The following MICU1 variants were observed in gnomAD, a reference collection of about 807,000 sequenced individuals.
The protein encoded by MICU1 is calcium uptake protein 1, mitochondrial.
Under a neutral mutation model 56.8 loss-of-function variants are expected in MICU1, and 45 were observed. The observed-to-expected ratio is 0.79, with a 90% CI of 0.62 to 1.02. The LOEUF (loss-of-function observed/expected upper bound fraction) is 1.02, where lower values mean the gene tolerates loss of function less well. Among genes scored for constraint, MICU1 ranks in the 50% least tolerant of loss-of-function variants. MICU1 has a pLI of 0.00. For missense variants in MICU1, 504 were observed against 587.1 expected (o/e 0.86, Z 1.46); for synonymous variants, 186 against 195.1 (o/e 0.95, Z 0.39).
At position 72,510,115 on chromosome 10, in the gene MICU1, A is replaced by G. The variant is rs79748153; in HGVS notation, c.538-1846T>C. The stretch of plus-strand genomic sequence containing the variant: ...CATAGTGGAAGCCACAGGTTGAGAA[A>G]CAGACAAAAGTCTAAGGATAGAGTG... On this transcript the variant is annotated intron_variant, in intron 5 of 11. Coordinates refer to ENST00000361114, the MANE Select transcript of MICU1 (RefSeq NM_001195518.2). 4.9e-3 allele frequency among the ~76,000 whole-genome samples: 749 copies of G among 152,312 alleles called. 8 individuals are homozygous for G. Among genetic ancestry groups the G allele is most frequent in the Middle Eastern group, 6.8e-3 (2 of 294 alleles).
intron 6 of MICU1, among the ~76,000 whole-genome samples, chr10:72,481,834 C>A (rs1231957809): frequency 3.3e-5 from 5 of 152,178 alleles, no homozygotes; most frequent in Non-Finnish European, 7.3e-5. Context: ...AGTGTTGAAA[C>A]TGATTAGAAC....
intron 4 of MICU1, among the ~76,000 whole-genome samples, chr10:72,546,738 A>G (rs1006586049): frequency 8.5e-5 from 13 of 152,070 alleles, no homozygotes; most frequent in African/African-American, 3.1e-4. Context: ...TATTATTACT[A>G]TTATTGAGAC....
At chr10:72,503,652 TAGGGAAA>T (rs1867148996) in intron 6 of MICU1, among the ~76,000 whole-genome samples, 1 of 152,002 alleles carries the variant, frequency 6.6e-6, no homozygotes, top group African/African-American at 2.4e-5. Flanking sequence ...GGCATCCAAA[TAGGGAAA>T]TAAGAAGCCA....
At chr10:72,508,840 A>G (rs995123331) in intron 5 of MICU1, among the ~76,000 whole-genome samples, 2 of 152,214 alleles carry the variant, frequency 1.3e-5, no homozygotes, top group African/African-American at 4.8e-5. Flanking sequence ...CTGAAATATA[A>G]TGCCAAATCA....
At chr10:72,493,931 G>C (rs1866751402) in intron 6 of MICU1, among the ~76,000 whole-genome samples, 1 of 152,168 alleles carries the variant, frequency 6.6e-6, no homozygotes, top group South Asian at 2.1e-4. Flanking sequence ...ATACTATATA[G>C]TCAATTAAAT....
At chr10:72,505,938 C>A (rs539408915) in intron 6 of MICU1, among the ~76,000 whole-genome samples, 1 of 148,732 alleles carries the variant, frequency 6.7e-6, no homozygotes, top group Non-Finnish European at 1.5e-5. Context: ...CAAACTTGTA[C>A]GTGTCCTCTC....
At chr10:72,393,665 G>A (rs556709935) in intron 10 of MICU1, among the ~76,000 whole-genome samples, 1 of 152,320 alleles carries the variant, frequency 6.6e-6, no homozygotes, top group African/African-American at 2.4e-5. Flanking sequence ...AGCGAGAAAA[G>A]GAGGCAGATG....
chr10:72,380,134 T>C lies in MICU1; in HGVS notation c.1181-4262A>G, dbSNP rs1000306340. On this transcript the variant is annotated intron_variant, in intron 10 of 11. Transcript: ENST00000361114. ...AAGTTTTCCTCCCAGATCTCAACTT[T>C]TTTATGCAGACCAGTTGTTGGTACT... Among the ~76,000 whole-genome samples the C allele has an allele frequency of 2.6e-5, 4 of 152,178 alleles. No individual in the cohort carries two copies. The South Asian group carries it at 8.3e-4, about 31-fold the overall frequency.
At chr10:72,408,956 CG>C (rs1489027634) in intron 9 of MICU1, among the ~76,000 whole-genome samples, 2 of 151,750 alleles carry the variant, frequency 1.3e-5, no homozygotes, top group African/African-American at 4.8e-5. Context: ...TTTTCAAAAA[CG>C]GTTTAAAGAT....
chr10:72,573,307 CAAAAAAAAAA>C (rs58866778), intron 1 of MICU1, among the ~76,000 whole-genome samples: 4 of 21,040 alleles, frequency 1.9e-4, no homozygotes, highest in East Asian at 1.3e-3. Context: ...CCCATCACTA[CAAAAAAAAAA>C]AAAAAAAAAA....
intron 1 of MICU1, among the ~76,000 whole-genome samples, chr10:72,617,556 C>G (rs1418166304): frequency 6.6e-6 from 1 of 152,046 alleles, no homozygotes; most frequent in Admixed American, 6.6e-5. Context: ...ATGTAGAAAC[C>G]CTGTCTCTAC....
At chr10:72,430,968 T>C (rs1180341322) in intron 8 of MICU1, among the ~76,000 whole-genome samples, 1 of 152,196 alleles carries the variant, frequency 6.6e-6, no homozygotes, top group Non-Finnish European at 1.5e-5. Flanking sequence ...ATATATTCTT[T>C]TGCAATTTGT....
chr10:72,409,813 G>A lies in MICU1; in HGVS notation c.1072-1776C>T, dbSNP rs958992791. ...GAATATGATGACTATATAGAAAGGTGCATAAAATATAAATGTACAACTTAT... is the reference window on the plus strand; with the variant it reads ...GAATATGATGACTATATAGAAAGGTACATAAAATATAAATGTACAACTTAT... On this transcript the variant is annotated intron_variant, in intron 9 of 11. Coordinates refer to ENST00000361114, the MANE Select transcript of MICU1 (RefSeq NM_001195518.2). Among the ~76,000 whole-genome samples, 3 of 152,254 alleles carry A rather than the reference G, an allele frequency of 2.0e-5. No individual in the cohort carries two copies. In the East Asian group the frequency reaches 5.8e-4, roughly 29 times the overall value.
chr10:72,427,733 AATATATATATATAT>A (rs58696519), intron 8 of MICU1, among the ~76,000 whole-genome samples: 97 of 136,346 alleles, frequency 7.1e-4, no homozygotes, highest in Admixed American at 1.4e-3. Context: ...CCATCTCTAA[AATATATATATATAT>A]ATATATATAT....
At chr10:72,375,970 C>T (rs947865377) in intron 10 of MICU1, 98 bp from the exon 11 acceptor site, 2 of 1,101,648 alleles carry the variant, frequency 1.8e-6, no homozygotes, top group African/African-American at 3.2e-5. Flanking sequence ...TACAAGTTTT[C>T]AACTGCATTT....
chr10:72,601,136 T>C (rs1330096313), intron 1 of MICU1, among the ~76,000 whole-genome samples: 1 of 152,166 alleles, frequency 6.6e-6, no homozygotes, highest in South Asian at 2.1e-4. Context: ...TAAGTGTACA[T>C]ACAGGCTGAG....
At chr10:72,599,899 A>C (rs998137784) in intron 1 of MICU1, among the ~76,000 whole-genome samples, 1 of 152,226 alleles carries the variant, frequency 6.6e-6, no homozygotes. Flanking sequence ...GTGGAAAGAT[A>C]AAAGTTTTTG....
intron 6 of MICU1, among the ~76,000 whole-genome samples, chr10:72,493,557 A>G (rs1866738088): frequency 6.6e-6 from 1 of 152,150 alleles, no homozygotes; most frequent in African/African-American, 2.4e-5. Context: ...GGCTCAGGTG[A>G]TTCTCCCACC....
At chr10:72,485,586 T>C (rs113313231) in intron 6 of MICU1, among the ~76,000 whole-genome samples, 5 of 148,942 alleles carry the variant, frequency 3.4e-5, no homozygotes, top group African/African-American at 9.9e-5. Context: ...AAGTAGAGAG[T>C]ATGTCCAGGG....
Sources: allele counts gnomAD v4.1 joint callset (sites outside exome capture counted in the v4.1 genomes callset), GRCh38; gene constraint gnomAD v4.1.1; transcripts MANE v1.5; gene names NCBI Gene and HGNC (gene_info 2026-07-23, HGNC 2026-07-21).